SLC17A5: variants seen among roughly 807,000 people sequenced by gnomAD.
SLC17A5 encodes the protein solute carrier family 17 member 5, also known as sialin.
Under a neutral mutation model 59.4 loss-of-function variants are expected in SLC17A5, and 47 were observed. The observed-to-expected ratio is 0.79, with a 90% confidence interval of 0.63 to 1.01. The LOEUF (loss-of-function observed/expected upper bound fraction) is 1.01. Among genes scored for constraint, SLC17A5 ranks in the 50% least tolerant of loss-of-function variants. SLC17A5 has a pLI of 0.00. For synonymous variants in SLC17A5, 202 were observed against 210.7 expected, an observed-to-expected ratio of 0.96 and a Z score of 0.36; for missense variants, 522 against 595.5, an observed-to-expected ratio of 0.88 and a Z score of 1.28.
chr6:73,624,882 A>T (rs370965226), intron 6 of SLC17A5, among the ~76,000 whole-genome samples: 5 of 151,676 alleles, frequency 3.3e-5, no homozygotes, highest in Admixed American at 2.0e-4. Flanking sequence ...AAAAGAAAAC[A>T]ATATATATAT....
chr6:73,622,705 T>A (rs1444632248), intron 6 of SLC17A5, among the ~76,000 whole-genome samples: 1 of 152,208 alleles, frequency 6.6e-6, no homozygotes, highest in African/African-American at 2.4e-5. Context: ...CCAATCTTTA[T>A]TCAATTGAAA....
rs747122063 is a variant in SLC17A5, at chr6:73,610,411, A to G, written c.1248T>C (p.Asp416=). 1 of 1,614,144 alleles carries G rather than the reference A, an allele frequency of 6.2e-7. No individual in the cohort carries two copies. The highest frequency in any genetic ancestry group is 8.5e-7 in the Non-Finnish European group (1 of 1,180,016). Residue 416 remains aspartate, a synonymous_variant, in exon 9 of 11, where the codon GAT becomes GAC. Transcript: ENST00000355773. ...ATATTAGTACTCACGAAGGAGCAAT[A>G]TCCAGATGGTTGATGCTAAATCCAG... ...CSSGFSINHL[D]IAPSYAGILL...
At position 73,635,379 on chromosome 6, in the gene SLC17A5, T is replaced by C. The variant is rs372355542; in HGVS notation, c.819+3A>G. ...TATTTTTAAAATGTGTCAAAGTCCA[T>C]ACCTGATTTCTTAATGATGAAAGAA... On this transcript the variant is annotated splice_donor_region_variant and intron_variant, in intron 6 of 10. Coordinates refer to ENST00000355773, the MANE Select transcript of SLC17A5 (RefSeq NM_012434.5). The C allele has an allele frequency of 6.9e-7, 1 of 1,449,476 alleles. No individual in the cohort carries two copies. The highest frequency in any genetic ancestry group is 9.7e-7 in the Non-Finnish European group (1 of 1,033,780). The allele number at this position is 1,449,476 out of a possible 1,614,324, so 89.8% of individuals were successfully genotyped here.
intron 10 of SLC17A5, among the ~76,000 whole-genome samples, chr6:73,598,237 A>G (rs567885997): frequency 1.8e-4 from 28 of 152,346 alleles, no homozygotes; most frequent in African/African-American, 6.0e-4. Flanking sequence ...TGTTTTGTTT[A>G]TAACAACATT....
chr6:73,651,635 C>T (rs1769873713), intron 1 of SLC17A5, among the ~76,000 whole-genome samples: 1 of 151,400 alleles, frequency 6.6e-6, no homozygotes, highest in African/African-American at 2.4e-5. Flanking sequence ...CTCCGCCTCC[C>T]AGGTTCACGC....
chr6:73,608,331 T>C (rs1767490328), intron 9 of SLC17A5, among the ~76,000 whole-genome samples: 1 of 152,140 alleles, frequency 6.6e-6, no homozygotes, highest in Non-Finnish European at 1.5e-5. Context: ...CTTATTTCCA[T>C]GGTGGAGAGA....
intron 6 of SLC17A5, among the ~76,000 whole-genome samples, chr6:73,630,141 C>T (rs5007650): frequency 0.16 from 24,720 of 151,704 alleles, 3,085 homozygotes; most frequent in African/African-American, 0.35. Context: ...TACAGGCACA[C>T]GCTACGACGC....
chr6:73,602,012 G>A (rs1283454966), intron 9 of SLC17A5, among the ~76,000 whole-genome samples: 4 of 152,066 alleles, frequency 2.6e-5, no homozygotes, highest in Admixed American at 2.6e-4. Context: ...GAAAGGTGGG[G>A]AAAAGATTGA....
chr6:73,614,258 CCT>C (rs1414390879), intron 8 of SLC17A5, among the ~76,000 whole-genome samples: 4 of 151,758 alleles, frequency 2.6e-5, no homozygotes, highest in African/African-American at 4.8e-5. Context: ...AGAGTGAGCC[CCT>C]GTCTCAAGAA....
At chr6:73,641,073 T>C (rs886416433) in intron 3 of SLC17A5, among the ~76,000 whole-genome samples, 9 of 152,082 alleles carry the variant, frequency 5.9e-5, no homozygotes, top group African/African-American at 2.2e-4. Context: ...GTAAGGATGG[T>C]CAATCTTAAC....
intron 10 of SLC17A5, among the ~76,000 whole-genome samples, chr6:73,595,740 TCTCA>T (rs1468475890): frequency 6.6e-6 from 1 of 151,780 alleles, no homozygotes; most frequent in African/African-American, 2.4e-5. Context: ...TGAGACAGAG[TCTCA>T]CTCTGTCACC....
At position 73,603,936 on chromosome 6, in the gene SLC17A5, A is replaced by C. The variant is rs377113803; in HGVS notation, c.1260-3495T>G. Among the ~76,000 whole-genome samples the C allele has an allele frequency of 2.4e-4, 37 of 152,230 alleles. No individual in the cohort carries two copies. In the South Asian group the frequency reaches 6.8e-3, roughly 28 times the overall value. On this transcript the variant is annotated intron_variant, in intron 9 of 10. Transcript: ENST00000355773. ...AAAAACAAAAACAAAAAACAAAAAA[A>C]AAACACTTAAAGGAGAAGGAGGAGT...
chr6:73,603,392 C>T (rs146159093), intron 9 of SLC17A5, among the ~76,000 whole-genome samples: 377 of 150,078 alleles, frequency 2.5e-3, no homozygotes, highest in Middle Eastern at 0.014. Flanking sequence ...GCACCTGGCC[C>T]GATAATTCAT....
intron 6 of SLC17A5, among the ~76,000 whole-genome samples, chr6:73,628,813 T>C (rs557802544): frequency 3.9e-5 from 6 of 152,234 alleles, no homozygotes; most frequent in Non-Finnish European, 8.8e-5. Flanking sequence ...GGACAAACTA[T>C]AAAAATTATT....
At chr6:73,602,821 T>C (rs967005751) in intron 9 of SLC17A5, among the ~76,000 whole-genome samples, 1 of 149,630 alleles carries the variant, frequency 6.7e-6, no homozygotes, top group Non-Finnish European at 1.5e-5. Context: ...GCCATGGAAA[T>C]AACCCCTTTT....
intron 1 of SLC17A5, among the ~76,000 whole-genome samples, chr6:73,648,658 T>C (rs1769693969): frequency 6.6e-6 from 1 of 152,182 alleles, no homozygotes. Flanking sequence ...CCTTTTTATC[T>C]GGAGAAAGTT....
Position 73,610,490 on chromosome 6 carries a change from G to C in SLC17A5, c.1169C>G (p.Ser390Cys), listed in dbSNP as rs763825067. 1.6e-5 allele frequency: 26 copies of C among 1,614,142 alleles called. No homozygotes were observed. Among genetic ancestry groups the C allele is most frequent in the Non-Finnish European group, 1.9e-5 (22 of 1,180,022 alleles). ...VAAGFIGCDY[S>C]LAVAFLTIST... is the part of the protein sequence containing the mutation. ...TATAGTTAGGAAAGCAACGGCCAAA[G>C]AATAATCACAGCCAATGAAGCCAGC... The change falls in exon 9 of 11, where the codon TCT becomes TGT. Residue 390 changes from serine to cysteine, a missense_variant. Around this residue, in one of 3 missense-constraint regions of SLC17A5, gnomAD observed 153 missense variants for 168.5 expected, o/e 0.91. Coordinates refer to ENST00000355773, the MANE Select transcript of SLC17A5 (RefSeq NM_012434.5).
intron 1 of SLC17A5, among the ~76,000 whole-genome samples, chr6:73,645,872 T>C (rs1429535825): frequency 6.6e-6 from 1 of 151,826 alleles, no homozygotes; most frequent in Non-Finnish European, 1.5e-5. Flanking sequence ...GAGTTTGACC[T>C]ATTTATTACT....
At chr6:73,639,979 G>C (rs1335042624) in intron 3 of SLC17A5, among the ~76,000 whole-genome samples, 2 of 152,200 alleles carry the variant, frequency 1.3e-5, no homozygotes, top group Non-Finnish European at 2.9e-5. Context: ...TCAGGAAGCG[G>C]AGGTTGCAGT....
Sources: allele counts gnomAD v4.1 joint callset (sites outside exome capture counted in the v4.1 genomes callset), GRCh38; gene constraint gnomAD v4.1.1; regional missense constraint gnomAD v4.1.1; transcripts MANE v1.5; gene names NCBI Gene and HGNC (gene_info 2026-07-23, HGNC 2026-07-21).